The following COL4A4 variants were observed in gnomAD, a reference collection of about 807,000 sequenced individuals.
COL4A4 encodes collagen alpha-4(IV) chain.
Under a neutral mutation model 192.9 loss-of-function variants are expected in COL4A4, and 105 were observed. The observed-to-expected ratio is 0.54, with a 90% CI of 0.46 to 0.64. The LOEUF (loss-of-function observed/expected upper bound fraction) is 0.64, where lower values mean the gene tolerates loss of function less well. COL4A4 is among the 30% of genes least tolerant of loss of function. COL4A4 has a pLI of 0.00. For missense variants in COL4A4, 1,967 were observed against 2,169.3 expected (o/e 0.91, Z 1.85); for synonymous variants, 762 against 769.9 (o/e 0.99, Z 0.17).
intron 35 of COL4A4, among the ~76,000 whole-genome samples, chr2:227,045,897 GATAGTA>G (rs1559488793): frequency 1.2e-4 from 9 of 78,212 alleles, no homozygotes; most frequent in Non-Finnish European, 1.3e-4. Flanking sequence ...TATATATTTA[GATAGTA>G]TATATATGTA....
intron 44 of COL4A4, among the ~76,000 whole-genome samples, chr2:227,016,560 A>G (rs1191098371): frequency 2.0e-5 from 3 of 152,174 alleles, no homozygotes; most frequent in Non-Finnish European, 1.5e-5. Context: ...TCTGGCTCCA[A>G]AGCTGAAGCA....
chr2:227,097,295 TAAAAG>T (rs1392096991), intron 19 of COL4A4, among the ~76,000 whole-genome samples: 2 of 152,190 alleles, frequency 1.3e-5, no homozygotes, highest in Non-Finnish European at 2.9e-5. Context: ...TTTTTTATTA[TAAAAG>T]AAATGAATGG....
chr2:227,111,473 T>A lies in COL4A4; in HGVS notation c.594+205A>T, dbSNP rs78944338. 1.4e-3 allele frequency among the ~76,000 whole-genome samples: 207 copies of A among 152,280 alleles called. 1 individual carries two copies. Among genetic ancestry groups the A allele is most frequent in the Non-Finnish European group, 2.2e-3 (152 of 68,016 alleles). On this transcript the variant is annotated intron_variant, in intron 9 of 47. Transcript: ENST00000396625. ...AAGTACAGCTTCATGGGCATGAGAC[T>A]GGTGCAGTTACACAGGGCCCCATGC...
At chr2:227,048,987 G>T (rs1279448865) in intron 34 of COL4A4, among the ~76,000 whole-genome samples, 1 of 152,168 alleles carries the variant, frequency 6.6e-6, no homozygotes, top group Non-Finnish European at 1.5e-5. Context: ...TAGTAAGGCA[G>T]AGGATTGTAG....
intron 4 of COL4A4, among the ~76,000 whole-genome samples, chr2:227,130,335 C>T (rs1344275585): frequency 1.3e-5 from 2 of 152,212 alleles, no homozygotes; most frequent in Non-Finnish European, 2.9e-5. Context: ...AACAAGGTCA[C>T]CCCTTACTCC....
In COL4A4 at chr2:227,054,893, A is replaced by G. The variant is rs4675142; in HGVS notation, c.2717-156T>C. 0.65 allele frequency among the ~76,000 whole-genome samples: 98,966 copies of G among 151,954 alleles called. 32,888 individuals carry two copies. The highest frequency in any genetic ancestry group is 0.78 in the African/African-American group (32,535 of 41,514). ...CAACCTCTGCCTCCCAAGTTCAAGC[A>G]ATTCTCCTTCCTCAGCCTCCCGAGT... On this transcript the variant is annotated intron_variant, in intron 30 of 47. Coordinates refer to ENST00000396625, the MANE Select transcript of COL4A4 (RefSeq NM_000092.5).
rs1176104783 is a variant in COL4A4 at position 227,007,054 on chromosome 2, C to T, written c.*271G>A. 1.9e-6 allele frequency: 1 copy of T among 513,344 alleles called. No homozygotes were observed. The highest frequency in any genetic ancestry group is 1.9e-5 in the African/African-American group (1 of 52,334). 31.8% of individuals were successfully genotyped at this position (513,344 alleles called of 1,614,324 possible). A position where few individuals can be genotyped will look rare whatever the true frequency, so the allele number is the denominator to read the frequency against. On this transcript the variant is annotated 3_prime_UTR_variant, in exon 48 of 48. Transcript: ENST00000396625. The stretch of plus-strand genomic sequence containing the variant: ...ATCTACTTGCCTTTCTGAGAATTAG[C>T]ATATTTTTAAGTAAAGCCAGTTCTT...
At chr2:227,114,416 A>C (rs769414405) in intron 8 of COL4A4, among the ~76,000 whole-genome samples, 28 of 152,370 alleles carry the variant, frequency 1.8e-4, no homozygotes, top group Admixed American at 3.3e-4. Context: ...CTAGTTCAGA[A>C]GTAATGGAAT....
chr2:227,019,993 GTAA>G (rs1965683597), intron 44 of COL4A4, among the ~76,000 whole-genome samples: 1 of 152,190 alleles, frequency 6.6e-6, no homozygotes, highest in South Asian at 2.1e-4. Flanking sequence ...CATGAATTGT[GTAA>G]TAATCTACCA....
At chr2:227,135,141 G>A (rs2062729879) in intron 4 of COL4A4, among the ~76,000 whole-genome samples, 1 of 152,138 alleles carries the variant, frequency 6.6e-6, no homozygotes, top group Admixed American at 6.5e-5. Context: ...GTTAGGGCCT[G>A]GTCACAAGTC....
intron 44 of COL4A4, among the ~76,000 whole-genome samples, chr2:227,016,654 G>A (rs1193197971): frequency 1.3e-5 from 2 of 152,086 alleles, no homozygotes; most frequent in Admixed American, 6.6e-5. Flanking sequence ...GTAAAGTCAC[G>A]TCCTCATATT....
chr2:227,062,696 A>G (rs565625141), intron 25 of COL4A4, 98 bp from the exon 26 acceptor site: 1 of 840,222 alleles, frequency 1.2e-6, no homozygotes, highest in East Asian at 2.6e-5. Flanking sequence ...TTTTCTGTAT[A>G]GTATATGCAG....
chr2:227,082,064 C>G (rs570339598), intron 23 of COL4A4, 51 bp downstream of exon 23: 4 of 1,404,950 alleles, frequency 2.8e-6, no homozygotes, highest in African/African-American at 2.8e-5. Context: ...AGAGGAGGGT[C>G]CATACATCAT....
chr2:227,143,325 GAATA>G (rs764461749), intron 3 of COL4A4, among the ~76,000 whole-genome samples: 2 of 152,172 alleles, frequency 1.3e-5, no homozygotes, highest in Non-Finnish European at 2.9e-5. Context: ...GCATGAATCA[GAATA>G]AACACGTATG....
intron 20 of COL4A4, among the ~76,000 whole-genome samples, chr2:227,092,017 G>A (rs1191778378): frequency 1.3e-5 from 2 of 152,014 alleles, no homozygotes; most frequent in East Asian, 3.8e-4. Context: ...CAGTACAAAT[G>A]TACCCACACT....
chr2:227,011,683 A>AT (rs1395347750), intron 45 of COL4A4, among the ~76,000 whole-genome samples: 4 of 151,608 alleles, frequency 2.6e-5, no homozygotes, highest in Non-Finnish European at 4.4e-5. Context: ...ACCACTTCCC[A>AT]TTTTTTTTCT....
chr2:227,042,298 T>A (rs781105095), intron 36 of COL4A4, 43 bp from the exon 37 acceptor site: 1 of 1,101,536 alleles, frequency 9.1e-7, no homozygotes, highest in Non-Finnish European at 1.4e-6. Flanking sequence ...AGATAATAAA[T>A]GAATTACATT....
At position 227,088,570 on chromosome 2, in the gene COL4A4, G is replaced by T. The variant is rs181787149; in HGVS notation, c.1623+83C>A. 304 of 1,523,566 alleles carry T rather than the reference G, an allele frequency of 2.0e-4. No homozygotes were observed. The African/African-American group carries it at 3.5e-3, about 18-fold the overall frequency. 94.4% of individuals were successfully genotyped at this position (1,523,566 alleles called of 1,614,324 possible). A position where few individuals can be genotyped will look rare whatever the true frequency, so the allele number is the denominator to read the frequency against. Reference sequence around the variant, plus strand: ...TTTCCTTAATAAATTACCTAGTCTTGGGTAGTATCTTTATGGTAGTGTGAA... The same window carrying T: ...TTTCCTTAATAAATTACCTAGTCTTTGGTAGTATCTTTATGGTAGTGTGAA... On this transcript the variant is annotated intron_variant, in intron 22 of 47. Coordinates refer to ENST00000396625, the MANE Select transcript of COL4A4 (RefSeq NM_000092.5).
At position 227,088,112 on chromosome 2, in the gene COL4A4, C is replaced by T. The variant is rs142613009; in HGVS notation, c.1623+541G>A. On this transcript the variant is annotated intron_variant, in intron 22 of 47. Coordinates refer to ENST00000396625, the MANE Select transcript of COL4A4 (RefSeq NM_000092.5). The stretch of plus-strand genomic sequence containing the variant: ...AATACCAATTAGTTGAATAAGTAAA[C>T]GATGGATGAATGGATGAGTAAATAA... 2.0e-4 allele frequency among the ~76,000 whole-genome samples: 31 copies of T among 152,284 alleles called. 2 individuals carry two copies. In the East Asian group the frequency reaches 5.8e-3, roughly 28 times the overall value.
Sources: gnomAD v4.1 joint callset for allele counts (sites outside exome capture counted in the v4.1 genomes callset) on GRCh38, gnomAD v4.1.1 for gene constraint, MANE v1.5 for transcripts, NCBI Gene and HGNC (gene_info 2026-07-23, HGNC 2026-07-21) for gene names.